Variants in ERBIN observed in about 807,000 individuals in gnomAD.
ERBIN encodes densin-180-like protein.
ERBIN carries 60 observed loss-of-function variants against 158.4 expected under a neutral mutation model. That is an observed-to-expected ratio of 0.38 (90% CI 0.31 to 0.47). The LOEUF is 0.47. ERBIN is among the 20% of genes least tolerant of loss of function. ERBIN has a pLI of 0.99. For synonymous variants in ERBIN, 594 were observed against 557.2 expected (o/e 1.07, Z -0.93); for missense variants, 1,610 against 1,648.0 (o/e 0.98, Z 0.40).
intron 1 of ERBIN, among the ~76,000 whole-genome samples, chr5:65,970,220 A>G (rs898498334): frequency 4.6e-5 from 7 of 152,210 alleles, no homozygotes; most frequent in African/African-American, 1.7e-4. Flanking sequence ...AAGTCATACT[A>G]CTGGCTAAAT....
chr5:66,034,689 T>A (rs1172314614), intron 14 of ERBIN, among the ~76,000 whole-genome samples: 1 of 151,560 alleles, frequency 6.6e-6, no homozygotes, highest in African/African-American at 2.4e-5. Context: ...TAGAGCCTAG[T>A]TGAAGTATTA....
In ERBIN at chr5:66,025,535, G is replaced by T; in HGVS notation, c.873G>T (p.Leu291=). The part of the protein sequence containing the change: ...LKIDENQLMY[L]PDSIGGLISV... ...TAGATGAAAACCAGTTAATGTATCT[G>T]CCAGACTCTATAGGAGGGTAAGTTT... The change falls in exon 11 of 26, where the codon CTG becomes CTT. Residue 291 remains leucine (L), a synonymous_variant. Transcript: ENST00000284037. 6.2e-7 allele frequency: 1 copy of T among 1,612,176 alleles called. No individual in the cohort carries two copies. The highest frequency in any genetic ancestry group is 8.5e-7 in the Non-Finnish European group (1 of 1,178,590).
intron 1 of ERBIN, among the ~76,000 whole-genome samples, chr5:65,965,116 T>A (rs1318399365): frequency 6.6e-6 from 1 of 151,884 alleles, no homozygotes; most frequent in Non-Finnish European, 1.5e-5. Flanking sequence ...AAACTTAAAT[T>A]AGATATTACT....
chr5:65,963,544 G>C (rs1356665895), intron 1 of ERBIN, among the ~76,000 whole-genome samples: 1 of 152,090 alleles, frequency 6.6e-6, no homozygotes, highest in Non-Finnish European at 1.5e-5. Context: ...GTTGCAGTGA[G>C]CTGAGATCGT....
At position 65,967,213 on chromosome 5, in the gene ERBIN, T is replaced by C. The variant is rs1004966238; in HGVS notation, c.-57-21422T>C. On this transcript the variant is annotated intron_variant, in intron 1 of 25. Transcript: ENST00000284037. Reference sequence around the variant, plus strand: ...TAAAAAGAAAAAGTTTATAACGTTATAATAAGCTAAGGTTTATTATTAAAG... The same window carrying C: ...TAAAAAGAAAAAGTTTATAACGTTACAATAAGCTAAGGTTTATTATTAAAG... Among the ~76,000 whole-genome samples the C allele has an allele frequency of 2.0e-5, 3 of 152,190 alleles. No individual in the cohort carries two copies. In the East Asian group the frequency reaches 5.8e-4, roughly 29 times the overall value.
chr5:66,036,420 C>G (rs555793961), intron 14 of ERBIN, among the ~76,000 whole-genome samples: 29 of 152,180 alleles, frequency 1.9e-4, no homozygotes. Context: ...TAAATCAGTT[C>G]TGCTTTCTTG....
chr5:65,931,279 G>A (rs1743344464), intron 1 of ERBIN, among the ~76,000 whole-genome samples: 1 of 152,186 alleles, frequency 6.6e-6, no homozygotes, highest in Non-Finnish European at 1.5e-5. Context: ...TGGTATCCCA[G>A]AAGGCGTGAG....
rs1273777504 is a variant in ERBIN, at chr5:65,962,486, G to C, written c.-57-26149G>C. ...AGAAGAAACTGAATTTGTATACTAT[G>C]GTTCTGCCTAAATCTCCGTAGCTTT... On this transcript the variant is annotated intron_variant, in intron 1 of 25. Coordinates refer to ENST00000284037, the MANE Select transcript of ERBIN (RefSeq NM_001253697.2). Among the ~76,000 whole-genome samples, 5 of 152,138 alleles carry C rather than the reference G, an allele frequency of 3.3e-5. No individual in the cohort carries two copies. In the East Asian group the frequency reaches 9.6e-4, roughly 29 times the overall value.
intron 21 of ERBIN, among the ~76,000 whole-genome samples, chr5:66,070,591 A>G (rs1761439743): frequency 1.3e-5 from 2 of 152,124 alleles, no homozygotes; most frequent in Non-Finnish European, 2.9e-5. Context: ...TTGTTCTTTT[A>G]AAAAGTAGAT....
At chr5:65,937,789 GT>G (rs1744264490) in intron 1 of ERBIN, among the ~76,000 whole-genome samples, 1 of 152,116 alleles carries the variant, frequency 6.6e-6, no homozygotes, top group Non-Finnish European at 1.5e-5. Flanking sequence ...GGCGCCTGTA[GT>G]CCCAGCTACT....
intron 1 of ERBIN, among the ~76,000 whole-genome samples, chr5:65,966,673 T>G (rs939751428): frequency 3.9e-5 from 3 of 76,266 alleles, no homozygotes; most frequent in African/African-American, 1.6e-4. Flanking sequence ...AGAGTGAAAC[T>G]CTGTCTCAAA....
At chr5:66,065,187 C>G (rs961572997) in intron 21 of ERBIN, among the ~76,000 whole-genome samples, 1 of 152,122 alleles carries the variant, frequency 6.6e-6, no homozygotes, top group Non-Finnish European at 1.5e-5. Context: ...ATTTGAGATA[C>G]AAACCATGTG....
chr5:65,993,723 GA>G (rs202097751), intron 3 of ERBIN, among the ~76,000 whole-genome samples: 3 of 151,514 alleles, frequency 2.0e-5, no homozygotes, highest in South Asian at 2.1e-4. Flanking sequence ...CAGCATTTTG[GA>G]AAAAAAACTA....
intron 14 of ERBIN, 98 bp from the exon 15 acceptor site, chr5:66,038,285 C>A: frequency 1.5e-6 from 1 of 667,280 alleles, no homozygotes; most frequent in Non-Finnish European, 2.5e-6. Flanking sequence ...CACATTGATA[C>A]TTTATAGAAA....
In ERBIN at chr5:66,081,052, T is replaced by C. The variant is rs1257368700; in HGVS notation, c.*2522T>C. ...GGAGAAGACATTTTTAGTTTATATA[T>C]TGTTGAGTAAATTGTAGTTAAGGCC... On this transcript the variant is annotated 3_prime_UTR_variant, in exon 26 of 26. Coordinates refer to ENST00000284037, the MANE Select transcript of ERBIN (RefSeq NM_001253697.2). 3.3e-5 allele frequency: 5 copies of C among 151,978 alleles called. No individual in the cohort carries two copies. Among genetic ancestry groups the C allele is most frequent in the African/African-American group, 1.2e-4 (5 of 41,434 alleles). The allele number at this position is 151,978 out of a possible 1,614,324, so 9.4% of individuals were successfully genotyped here.
rs2151202389 is a variant in ERBIN at position 66,043,094 on chromosome 5, A to G, written c.1324A>G (p.Asn442Asp). The G allele has an allele frequency of 6.2e-7, 1 of 1,602,974 alleles. No individual in the cohort carries two copies. Among genetic ancestry groups the G allele is most frequent in the East Asian group, 2.2e-5 (1 of 44,720 alleles). Reference protein sequence around the residue: ...RTEDVMFISDNESFNPSLWEE... With the variant: ...RTEDVMFISDDESFNPSLWEE... Reference sequence around the variant, plus strand: ...TTCTCTAGTTATGTTTATATCAGATAATGAAAGTTTTAACCCTTCATTGTG... The same window carrying G: ...TTCTCTAGTTATGTTTATATCAGATGATGAAAGTTTTAACCCTTCATTGTG... Residue 442 changes from asparagine (N) to aspartate (D), a missense_variant, in exon 16 of 26, where the codon AAT becomes GAT. This residue lies in a region of ERBIN where 596 missense variants were observed against 711.9 expected (regional missense o/e 0.84). Coordinates refer to ENST00000284037, the MANE Select transcript of ERBIN (RefSeq NM_001253697.2).
Position 66,077,424 on chromosome 5 carries a change from C to G in ERBIN, c.4131+475C>G, listed in dbSNP as rs1464531646. Among the ~76,000 whole-genome samples, 9 of 151,810 alleles carry G rather than the reference C, an allele frequency of 5.9e-5. No individual in the cohort carries two copies. In the East Asian group the frequency reaches 1.5e-3, roughly 26 times the overall value. ...CACAAGTATAGCTCTCATTTTCTACCCCTACTGTCACCGTTCTTAGCTGAG... is the reference window on the plus strand; with the variant it reads ...CACAAGTATAGCTCTCATTTTCTACGCCTACTGTCACCGTTCTTAGCTGAG... On this transcript the variant is annotated intron_variant, in intron 25 of 25. Transcript: ENST00000284037.
chr5:66,000,226 T>G (rs769648772), intron 4 of ERBIN, among the ~76,000 whole-genome samples: 5 of 152,184 alleles, frequency 3.3e-5, no homozygotes, highest in Non-Finnish European at 7.4e-5. Flanking sequence ...ATAGAAGTAT[T>G]GCTTGGCTCA....
intron 1 of ERBIN, among the ~76,000 whole-genome samples, chr5:65,965,158 A>C (rs1359634588): frequency 3.3e-5 from 5 of 151,714 alleles, no homozygotes; most frequent in South Asian, 2.1e-4. Flanking sequence ...ATGAATTCTC[A>C]TTGTGATTAG....
Sources: allele counts gnomAD v4.1 joint callset (sites outside exome capture counted in the v4.1 genomes callset), GRCh38; gene constraint gnomAD v4.1.1; regional missense constraint gnomAD v4.1.1; transcripts MANE v1.5; gene names NCBI Gene and HGNC (gene_info 2026-07-23, HGNC 2026-07-21).